Variants in RPS6KC1 observed in about 807,000 individuals in gnomAD.
RPS6KC1 encodes the protein inactive ribosomal protein S6 kinase delta-1.
In RPS6KC1, 54 loss-of-function variants were observed where a neutral mutation model predicts 103.8. That is an observed-to-expected ratio of 0.52 (90% confidence interval 0.42 to 0.65). RPS6KC1 has a LOEUF of 0.65. Ranked by LOEUF, RPS6KC1 falls within the 30% of genes least tolerant of loss-of-function variation. The pLI, the probability that RPS6KC1 is intolerant of heterozygous loss-of-function variation, is 0.00. For missense variants in RPS6KC1, 1,151 were observed against 1,253.8 expected, an observed-to-expected ratio of 0.92 and a Z score of 1.24; for synonymous variants, 439 against 438.7, an observed-to-expected ratio of 1.00 and a Z score of -0.01.
At chr1:213,239,212 C>A (rs1050341460) in intron 10 of RPS6KC1, among the ~76,000 whole-genome samples, 1 of 152,110 alleles carries the variant, frequency 6.6e-6, no homozygotes, top group African/African-American at 2.4e-5. Flanking sequence ...GTGGCACACG[C>A]CTGTAATCCC....
At chr1:213,716,305 C>T in the RPS6KC1 span, among the ~76,000 whole-genome samples, 36 of 152,206 alleles carry the variant, frequency 2.4e-4, no homozygotes, top group East Asian at 2.5e-3. Context: ...CCTCTGTGGA[C>T]GAGGCATCCT....
intron 6 of RPS6KC1, among the ~76,000 whole-genome samples, chr1:213,157,146 CTTT>C (rs2089979960): frequency 6.6e-6 from 1 of 151,598 alleles, no homozygotes; most frequent in African/African-American, 2.4e-5. Context: ...TTTGTTTCTT[CTTT>C]GATTCATGTA....
chr1:213,789,821 T>C, the RPS6KC1 span, among the ~76,000 whole-genome samples: 1 of 152,192 alleles, frequency 6.6e-6, no homozygotes, highest in Non-Finnish European at 1.5e-5. Flanking sequence ...CATATTCGCT[T>C]CTCACATCAT....
At chr1:213,391,898 A>G in the RPS6KC1 span, among the ~76,000 whole-genome samples, 1 of 152,204 alleles carries the variant, frequency 6.6e-6, no homozygotes, top group Non-Finnish European at 1.5e-5. Flanking sequence ...ATCCTTGACA[A>G]GGAAGATACT....
At chr1:213,824,455 G>C in the RPS6KC1 span, among the ~76,000 whole-genome samples, 9 of 152,200 alleles carry the variant, frequency 5.9e-5, no homozygotes, top group South Asian at 2.1e-4. Context: ...AAAGCAAAAG[G>C]CTCTCTGAAA....
the RPS6KC1 span, among the ~76,000 whole-genome samples, chr1:213,419,800 A>G: frequency 6.6e-6 from 1 of 152,208 alleles, no homozygotes; most frequent in Non-Finnish European, 1.5e-5. Flanking sequence ...TGCATGTGTC[A>G]GGGTCTGTGG....
the RPS6KC1 span, among the ~76,000 whole-genome samples, chr1:213,410,021 C>T: frequency 1.3e-5 from 2 of 152,052 alleles, no homozygotes; most frequent in African/African-American, 4.8e-5. Context: ...AAGTACTAGC[C>T]AAGTGTGGCT....
the RPS6KC1 span, among the ~76,000 whole-genome samples, chr1:213,337,262 C>T: frequency 6.6e-6 from 1 of 152,228 alleles, no homozygotes; most frequent in Non-Finnish European, 1.5e-5. Flanking sequence ...CTCACTCAGC[C>T]AGCCTGCATT....
chr1:213,688,360 A>G, the RPS6KC1 span, among the ~76,000 whole-genome samples: 1 of 152,124 alleles, frequency 6.6e-6, no homozygotes, highest in African/African-American at 2.4e-5. Flanking sequence ...TTTATTGTAT[A>G]AGCACAACTG....
the RPS6KC1 span, among the ~76,000 whole-genome samples, chr1:213,762,018 G>A: frequency 5.1e-4 from 77 of 152,160 alleles, no homozygotes; most frequent in African/African-American, 1.8e-3. Flanking sequence ...AATGGTGGGT[G>A]GGAGAAAGGG....
the RPS6KC1 span, among the ~76,000 whole-genome samples, chr1:213,706,751 A>C: frequency 2.0e-5 from 3 of 151,466 alleles, no homozygotes; most frequent in Non-Finnish European, 4.4e-5. Context: ...CCCTGTGCCC[A>C]TATGTTCTCA....
chr1:213,298,982 G>A, the RPS6KC1 span, among the ~76,000 whole-genome samples: 64 of 152,278 alleles, frequency 4.2e-4, no homozygotes, highest in African/African-American at 1.5e-3. Context: ...TCAGTGTCAG[G>A]TAGGGCTGGA....
the RPS6KC1 span, among the ~76,000 whole-genome samples, chr1:213,838,973 A>G: frequency 6.6e-6 from 1 of 152,240 alleles, no homozygotes; most frequent in Non-Finnish European, 1.5e-5. Flanking sequence ...ATGAGATTTT[A>G]GCAATATGGT....
At chr1:213,258,080 C>T (rs562350303) in intron 12 of RPS6KC1, among the ~76,000 whole-genome samples, 1 of 152,236 alleles carries the variant, frequency 6.6e-6, no homozygotes, top group African/African-American at 2.4e-5. Context: ...CTCCTGGGTT[C>T]AAGCAATTCC....
At chr1:213,085,073 A>G (rs1488424814) in intron 3 of RPS6KC1, among the ~76,000 whole-genome samples, 3 of 152,240 alleles carry the variant, frequency 2.0e-5, no homozygotes, top group Non-Finnish European at 4.4e-5. Context: ...ATGAAGGCCA[A>G]AGTCTGAAAT....
chr1:213,494,496 G>T, the RPS6KC1 span, among the ~76,000 whole-genome samples: 2 of 151,982 alleles, frequency 1.3e-5, no homozygotes, highest in African/African-American at 4.8e-5. Context: ...ACAAAAGGAG[G>T]CAATGGAGAA....
At chr1:213,810,619 C>T in the RPS6KC1 span, among the ~76,000 whole-genome samples, 193 of 152,186 alleles carry the variant, frequency 1.3e-3, 1 homozygote, top group African/African-American at 4.3e-3. Context: ...CAAATGACTG[C>T]GTAAAGAAAC....
chr1:213,060,596 A>C (rs537810506), intron 1 of RPS6KC1, among the ~76,000 whole-genome samples: 103 of 152,356 alleles, frequency 6.8e-4, no homozygotes, highest in African/African-American at 2.4e-3. Flanking sequence ...AATGTAAACC[A>C]TTCCTGATTT....
intron 8 of RPS6KC1, among the ~76,000 whole-genome samples, chr1:213,220,326 G>T (rs1471936242): frequency 6.6e-6 from 1 of 152,110 alleles, no homozygotes. Flanking sequence ...AATTGCATCT[G>T]TTGCCATTTT....
Sources: allele counts gnomAD v4.1 joint callset (sites outside exome capture counted in the v4.1 genomes callset), GRCh38; gene constraint gnomAD v4.1.1; transcripts MANE v1.5; gene names NCBI Gene and HGNC (gene_info 2026-07-23, HGNC 2026-07-21).